Variants in ARHGAP15 observed in about 807,000 individuals in gnomAD.
The protein encoded by ARHGAP15 is rho GTPase-activating protein 15.
Under a neutral mutation model 63.7 loss-of-function variants are expected in ARHGAP15, and 51 were observed. The observed-to-expected ratio is 0.80, with a 90% CI of 0.64 to 1.01. The LOEUF (loss-of-function observed/expected upper bound fraction) is 1.01. Ranked by LOEUF, ARHGAP15 falls within the 50% of genes least tolerant of loss-of-function variation. ARHGAP15 has a pLI of 0.00. For synonymous variants in ARHGAP15, 191 were observed against 193.8 expected (o/e 0.99, Z 0.12); for missense variants, 560 against 564.6 (o/e 0.99, Z 0.08).
chr2:143,162,340 A>G (rs1690329647), intron 2 of ARHGAP15: 1 of 151,984 alleles, frequency 6.6e-6, no homozygotes, highest in African/African-American at 2.4e-5. Context: ...CCTTGAACTT[A>G]CCAGAAAAGT....
intron 12 of ARHGAP15, among the ~76,000 whole-genome samples, chr2:143,650,636 G>A (rs1681116330): frequency 6.6e-6 from 1 of 151,866 alleles, no homozygotes; most frequent in South Asian, 2.1e-4. Context: ...GCCTTGTTTT[G>A]AGGAAGGTAA....
chr2:143,596,021 A>G (rs1574680900), intron 11 of ARHGAP15, among the ~76,000 whole-genome samples: 2 of 152,252 alleles, frequency 1.3e-5, no homozygotes, highest in South Asian at 2.1e-4. Context: ...TCTTTAGTAG[A>G]AAGGCACTCA....
At chr2:143,653,711 A>T (rs1681288175) in intron 12 of ARHGAP15, among the ~76,000 whole-genome samples, 1 of 152,098 alleles carries the variant, frequency 6.6e-6, no homozygotes, top group Non-Finnish European at 1.5e-5. Flanking sequence ...TGCCCCCCAT[A>T]CTGGGTCGGC....
chr2:143,591,002 C>G (rs1697299516), intron 11 of ARHGAP15, among the ~76,000 whole-genome samples: 1 of 152,096 alleles, frequency 6.6e-6, no homozygotes, highest in Non-Finnish European at 1.5e-5. Context: ...TTGAGAAACA[C>G]AGATTTTCTT....
chr2:143,652,032 G>A (rs781193157), intron 12 of ARHGAP15, among the ~76,000 whole-genome samples: 19 of 151,888 alleles, frequency 1.3e-4, no homozygotes, highest in Non-Finnish European at 2.2e-4. Context: ...TGTAAGTAGA[G>A]GTTTATTTTG....
At chr2:143,607,954 G>A (rs1698105860) in intron 11 of ARHGAP15, 2 of 152,146 alleles carry the variant, frequency 1.3e-5, no homozygotes. Flanking sequence ...ATCACCAAAT[G>A]TAAGCATATT....
intron 5 of ARHGAP15, among the ~76,000 whole-genome samples, chr2:143,242,296 G>C (rs1443526436): frequency 2.6e-5 from 4 of 152,240 alleles, no homozygotes; most frequent in Non-Finnish European, 4.4e-5. Context: ...AGGCAGGGCT[G>C]GTCATCTGCA....
At chr2:143,732,583 CTG>C (rs1165864748) in intron 13 of ARHGAP15, among the ~76,000 whole-genome samples, 8 of 152,170 alleles carry the variant, frequency 5.3e-5, no homozygotes, top group African/African-American at 1.9e-4. Context: ...AGAACTATAA[CTG>C]TGAAGCTGTA....
chr2:143,666,832 C>G (rs1682221141), intron 12 of ARHGAP15, among the ~76,000 whole-genome samples: 1 of 149,510 alleles, frequency 6.7e-6, no homozygotes, highest in South Asian at 2.1e-4. Flanking sequence ...CTCATCATCA[C>G]TGGCCATCAG....
intron 5 of ARHGAP15, among the ~76,000 whole-genome samples, chr2:143,234,671 C>T (rs1286394834): frequency 3.3e-5 from 5 of 151,956 alleles, no homozygotes. Context: ...TTTATATTTC[C>T]TTCGGTTTGG....
chr2:143,385,198 C>T (rs1447939713), intron 6 of ARHGAP15, among the ~76,000 whole-genome samples: 1 of 152,102 alleles, frequency 6.6e-6, no homozygotes, highest in Non-Finnish European at 1.5e-5. Flanking sequence ...TCTGCCTGAT[C>T]TAGGACCACT....
In ARHGAP15 at chr2:143,441,809, T is replaced by A. The variant is rs568689118; in HGVS notation, c.703+4767T>A. On this transcript the variant is annotated intron_variant, in intron 8 of 13. Transcript: ENST00000295095. ...AAGGAAATGGGTTTTCCTTTAGCTG[T>A]CTCTTGATTAAGTTATCATAAAAAA... Among the ~76,000 whole-genome samples, 4 of 152,292 alleles carry A rather than the reference T, an allele frequency of 2.6e-5. No homozygotes were observed. In the South Asian group the frequency reaches 8.3e-4, roughly 32 times the overall value.
intron 6 of ARHGAP15, among the ~76,000 whole-genome samples, chr2:143,267,384 T>A (rs895066045): frequency 2.6e-5 from 4 of 152,186 alleles, no homozygotes; most frequent in African/African-American, 9.6e-5. Flanking sequence ...TAAACACTGT[T>A]AAGTGTCAAG....
chr2:143,735,225 A>G (rs1685698895), intron 13 of ARHGAP15, among the ~76,000 whole-genome samples: 1 of 152,220 alleles, frequency 6.6e-6, no homozygotes. Flanking sequence ...AACCTATCTT[A>G]GGCTTCCATA....
intron 9 of ARHGAP15, among the ~76,000 whole-genome samples, chr2:143,492,136 C>G (rs367771525): frequency 1.3e-5 from 2 of 152,140 alleles, no homozygotes; most frequent in African/African-American, 4.8e-5. Context: ...CCCGCTTTGG[C>G]CTCCCAAAGT....
chr2:143,267,210 A>C (rs966868430), intron 6 of ARHGAP15, among the ~76,000 whole-genome samples: 42 of 152,200 alleles, frequency 2.8e-4, no homozygotes, highest in Non-Finnish European at 5.9e-5. Context: ...TCACCTGCTC[A>C]ATCTAAATAA....
chr2:143,754,482 G>T (rs543061232), intron 13 of ARHGAP15, among the ~76,000 whole-genome samples: 1 of 152,192 alleles, frequency 6.6e-6, no homozygotes, highest in South Asian at 2.1e-4. Flanking sequence ...AGTACTCTGT[G>T]AGCTATCTTT....
At chr2:143,343,770 GC>G (rs1303551538) in intron 6 of ARHGAP15, among the ~76,000 whole-genome samples, 2 of 152,052 alleles carry the variant, frequency 1.3e-5, no homozygotes, top group African/African-American at 4.8e-5. Context: ...AAATTGGGGA[GC>G]TTTCTCTAAG....
At chr2:143,413,971 G>GCGCGCGCGCGCGCA (rs147891307) in intron 6 of ARHGAP15, among the ~76,000 whole-genome samples, 5,257 of 147,492 alleles carry the variant, frequency 0.036, 209 homozygotes, top group African/African-American at 0.077. Context: ...GTGTGTGCGC[G>GCGCGCGCGCGCGCA]CTCTCTGGCA....
Sources: allele counts gnomAD v4.1 joint callset (sites outside exome capture counted in the v4.1 genomes callset), GRCh38; gene constraint gnomAD v4.1.1; transcripts MANE v1.5; gene names NCBI Gene and HGNC (gene_info 2026-07-23, HGNC 2026-07-21).